The following SV2C variants were observed in gnomAD, a reference collection of about 807,000 sequenced individuals.
SV2C encodes solute carrier family 22 member B3.
Under a neutral mutation model 79.7 loss-of-function variants are expected in SV2C, and 49 were observed. The observed-to-expected ratio is 0.61, with a 90% CI of 0.49 to 0.78. SV2C has a LOEUF of 0.78. Ranked by LOEUF, SV2C falls within the 30% of genes least tolerant of loss-of-function variation. SV2C has a pLI of 0.00. For synonymous variants in SV2C, 334 were observed against 333.2 expected (o/e 1.00, Z -0.03); for missense variants, 833 against 912.9 (o/e 0.91, Z 1.13).
intron 10 of SV2C, among the ~76,000 whole-genome samples, chr5:76,299,288 C>T (rs990753486): frequency 6.6e-6 from 1 of 152,128 alleles, no homozygotes; most frequent in African/African-American, 2.4e-5. Context: ...AGATAGACAA[C>T]ATGTGGCTAT....
chr5:76,225,322 C>T (rs1447751828), intron 4 of SV2C, among the ~76,000 whole-genome samples: 1 of 152,238 alleles, frequency 6.6e-6, no homozygotes, highest in Admixed American at 6.5e-5. Context: ...GCATGATCCA[C>T]TTCTTCCTCA....
At chr5:76,055,076 G>A in the SV2C span, among the ~76,000 whole-genome samples, 1 of 152,096 alleles carries the variant, frequency 6.6e-6, no homozygotes, top group Non-Finnish European at 1.5e-5. Flanking sequence ...CTTTGCCCAT[G>A]CCTATGTCCT....
chr5:76,030,802 G>A, the SV2C span, among the ~76,000 whole-genome samples: 1 of 151,852 alleles, frequency 6.6e-6, no homozygotes, highest in Non-Finnish European at 1.5e-5. Flanking sequence ...AAAAAAGAAA[G>A]GTTTGTGCCT....
chr5:76,292,072 G>A (rs1164293871), intron 8 of SV2C, among the ~76,000 whole-genome samples: 1 of 152,068 alleles, frequency 6.6e-6, no homozygotes, highest in Non-Finnish European at 1.5e-5. Context: ...AATTGTATCT[G>A]CAAAATCCAG....
At chr5:76,170,741 T>C (rs1276751880) in intron 2 of SV2C, among the ~76,000 whole-genome samples, 1 of 149,536 alleles carries the variant, frequency 6.7e-6, no homozygotes, top group Non-Finnish European at 1.5e-5. Flanking sequence ...GATCACTGTC[T>C]CCACAGGTTT....
the SV2C span, among the ~76,000 whole-genome samples, chr5:75,954,499 TC>T: frequency 1.3e-5 from 2 of 151,816 alleles, no homozygotes; most frequent in Admixed American, 6.6e-5. Flanking sequence ...AGGGATGCCC[TC>T]TCTCACCACT....
intron 2 of SV2C, among the ~76,000 whole-genome samples, chr5:76,191,251 A>G (rs1744094631): frequency 7.3e-6 from 1 of 136,104 alleles, no homozygotes; most frequent in East Asian, 2.0e-4. Flanking sequence ...CCATGGTCTA[A>G]TCACCTCCCA....
intron 1 of SV2C, among the ~76,000 whole-genome samples, chr5:76,119,663 C>A (rs1210488394): frequency 1.3e-5 from 2 of 151,876 alleles, no homozygotes. Context: ...AAGTTTGTGA[C>A]CCCATGGGGC....
chr5:76,024,399 G>A, the SV2C span, among the ~76,000 whole-genome samples: 9 of 152,218 alleles, frequency 5.9e-5, no homozygotes, highest in African/African-American at 1.4e-4. Context: ...TTTCCTGACC[G>A]TTTGTGAACA....
the SV2C span, among the ~76,000 whole-genome samples, chr5:75,916,431 C>A: frequency 2.0e-5 from 3 of 147,960 alleles, no homozygotes; most frequent in Non-Finnish European, 4.5e-5. Context: ...CCTCTTCTTC[C>A]TCCCCTTCTC....
intron 1 of SV2C, among the ~76,000 whole-genome samples, chr5:76,107,401 A>T (rs1194139609): frequency 6.6e-6 from 1 of 152,220 alleles, no homozygotes; most frequent in Non-Finnish European, 1.5e-5. Context: ...GCTGCCATGA[A>T]ATACTGACTA....
At chr5:75,876,894 A>C in the SV2C span, among the ~76,000 whole-genome samples, 1 of 152,080 alleles carries the variant, frequency 6.6e-6, no homozygotes, top group Admixed American at 6.6e-5. Context: ...AGGAGGAAAA[A>C]ATGACATGAA....
chr5:76,086,824 T>C (rs140156220), intron 1 of SV2C, among the ~76,000 whole-genome samples: 57 of 152,356 alleles, frequency 3.7e-4, no homozygotes, highest in African/African-American at 1.3e-3. Flanking sequence ...TTGCTAGAAA[T>C]ATGTCTTAAT....
the SV2C span, chr5:75,911,080 T>C: frequency 1.5e-6 from 2 of 1,370,048 alleles, no homozygotes; most frequent in East Asian, 2.3e-5. Flanking sequence ...TGGAACCTGA[T>C]GCAGCCCGGG....
intron 4 of SV2C, among the ~76,000 whole-genome samples, chr5:76,219,337 C>T (rs979632091): frequency 6.6e-6 from 1 of 152,040 alleles, no homozygotes; most frequent in South Asian, 2.1e-4. Flanking sequence ...ACGAAAGAAC[C>T]CTTGGCTTCC....
chr5:75,943,556 T>C, the SV2C span, among the ~76,000 whole-genome samples: 1 of 152,170 alleles, frequency 6.6e-6, no homozygotes, highest in Non-Finnish European at 1.5e-5. Flanking sequence ...ATCTATGAGC[T>C]CCCAAATCAC....
At chr5:75,935,484 G>A in the SV2C span, among the ~76,000 whole-genome samples, 1 of 151,980 alleles carries the variant, frequency 6.6e-6, no homozygotes, top group African/African-American at 2.4e-5. Context: ...ACAAATCATT[G>A]CAGTGTAATT....
At chr5:75,966,546 T>A in the SV2C span, among the ~76,000 whole-genome samples, 1 of 152,180 alleles carries the variant, frequency 6.6e-6, no homozygotes, top group African/African-American at 2.4e-5. Flanking sequence ...AGTTTACAAA[T>A]GCTACAGCAA....
chr5:76,281,021 CT>C, intron 4 of SV2C: 1 of 540,506 alleles, frequency 1.9e-6, no homozygotes, highest in African/African-American at 1.9e-5. Context: ...GAAACAGTAT[CT>C]TAGCCCAAGT....
Sources: allele counts gnomAD v4.1 joint callset (sites outside exome capture counted in the v4.1 genomes callset), GRCh38; gene constraint gnomAD v4.1.1; transcripts MANE v1.5; gene names NCBI Gene and HGNC (gene_info 2026-07-23, HGNC 2026-07-21).